The following TUSC3 variants were observed in gnomAD, a reference collection of about 807,000 sequenced individuals.
TUSC3 encodes the protein dolichyl-diphosphooligosaccharide--protein glycosyltransferase subunit TUSC3.
TUSC3 carries 45 observed loss-of-function variants against 44.8 expected under a neutral mutation model. The observed-to-expected ratio is 1.00, with a 90% confidence interval of 0.79 to 1.29. The LOEUF (loss-of-function observed/expected upper bound fraction) is 1.29. TUSC3 is among the 50% of genes most tolerant of loss of function. TUSC3 has a pLI of 0.00. For synonymous variants in TUSC3, 212 were observed against 152.9 expected (o/e 1.39, Z -2.85); for missense variants, 519 against 437.9 (o/e 1.19, Z -1.65).
the TUSC3 span, among the ~76,000 whole-genome samples, chr8:15,841,477 T>C: frequency 6.6e-6 from 1 of 152,196 alleles, no homozygotes; most frequent in Non-Finnish European, 1.5e-5. Context: ...GTTATACTAA[T>C]TATAATGCAA....
chr8:15,462,409 C>A (rs1301848788), intron 1 of TUSC3, among the ~76,000 whole-genome samples: 3 of 151,998 alleles, frequency 2.0e-5, no homozygotes, highest in African/African-American at 7.2e-5. Context: ...ATTTTCATTG[C>A]AGAGATAGGT....
intron 1 of TUSC3, among the ~76,000 whole-genome samples, chr8:15,596,079 A>T (rs555752433): frequency 9.2e-5 from 14 of 152,316 alleles, no homozygotes; most frequent in East Asian, 5.8e-4. Context: ...ATCTAAAGTG[A>T]TGTAACATTT....
At chr8:15,455,343 TGG>T (rs1800240322) in intron 1 of TUSC3, among the ~76,000 whole-genome samples, 4 of 152,270 alleles carry the variant, frequency 2.6e-5, no homozygotes, top group Admixed American at 2.6e-4. Context: ...TGAGGAGCTA[TGG>T]TTGGTTTTCT....
intron 1 of TUSC3, among the ~76,000 whole-genome samples, chr8:15,613,256 G>A (rs1335492408): frequency 4.6e-5 from 7 of 150,694 alleles, no homozygotes; most frequent in East Asian, 1.9e-4. Flanking sequence ...AGTAAATTTA[G>A]CACAGTGCTT....
At chr8:15,800,893 C>A in the TUSC3 span, among the ~76,000 whole-genome samples, 1 of 152,164 alleles carries the variant, frequency 6.6e-6, no homozygotes, top group East Asian at 1.9e-4. Context: ...TCTGAAAACT[C>A]CAAGCAATAT....
chr8:15,589,815 G>A (rs1585130954), intron 1 of TUSC3, among the ~76,000 whole-genome samples: 1 of 152,100 alleles, frequency 6.6e-6, no homozygotes, highest in Non-Finnish European at 1.5e-5. Context: ...TGAGTTAATG[G>A]TTGAGCCAAG....
At chr8:15,423,401 C>T (rs1286175730) in intron 1 of TUSC3, among the ~76,000 whole-genome samples, 1 of 152,156 alleles carries the variant, frequency 6.6e-6, no homozygotes, top group African/African-American at 2.4e-5. Context: ...ATACTGTCTC[C>T]TAGATTTTTC....
At chr8:15,756,837 C>G (rs1011972303) in intron 9 of TUSC3, among the ~76,000 whole-genome samples, 7 of 152,158 alleles carry the variant, frequency 4.6e-5, no homozygotes, top group Non-Finnish European at 7.3e-5. Flanking sequence ...ATTCCCCAAA[C>G]TCGAGCTCTA....
intron 2 of TUSC3, among the ~76,000 whole-genome samples, chr8:15,635,810 C>T (rs1806045238): frequency 1.3e-5 from 2 of 152,052 alleles, no homozygotes; most frequent in Admixed American, 1.3e-4. Flanking sequence ...AGTAATGGAG[C>T]CAGGTAGCAA....
the TUSC3 span, among the ~76,000 whole-genome samples, chr8:15,774,993 T>G: frequency 6.6e-6 from 1 of 152,000 alleles, no homozygotes; most frequent in South Asian, 2.1e-4. Context: ...TAAGGGAAAA[T>G]AGGTGTTTAA....
At chr8:15,671,283 TG>T (rs1475124810) in intron 5 of TUSC3, among the ~76,000 whole-genome samples, 1 of 152,012 alleles carries the variant, frequency 6.6e-6, no homozygotes, top group Non-Finnish European at 1.5e-5. Context: ...TTAATCTAGC[TG>T]TAACTATGAA....
At chr8:15,635,088 A>C (rs1162527281) in intron 2 of TUSC3, among the ~76,000 whole-genome samples, 2 of 151,934 alleles carry the variant, frequency 1.3e-5, no homozygotes, top group African/African-American at 4.8e-5. Context: ...GTAGGCTGCC[A>C]CCCAGGGGAT....
chr8:15,667,173 G>A (rs1807699421), intron 5 of TUSC3, among the ~76,000 whole-genome samples: 1 of 151,482 alleles, frequency 6.6e-6, no homozygotes, highest in South Asian at 2.1e-4. Flanking sequence ...TGTTGAAATT[G>A]TTATCCTCAA....
intron 1 of TUSC3, among the ~76,000 whole-genome samples, chr8:15,464,940 C>A (rs1800394688): frequency 6.6e-6 from 1 of 152,120 alleles, no homozygotes; most frequent in Non-Finnish European, 1.5e-5. Context: ...ACCTCTTCCT[C>A]CCAGGTTCAA....
At chr8:15,827,709 T>C in the TUSC3 span, among the ~76,000 whole-genome samples, 1 of 152,176 alleles carries the variant, frequency 6.6e-6, no homozygotes, top group Non-Finnish European at 1.5e-5. Context: ...ATAAATTTTA[T>C]TGGTAAACTG....
At chr8:15,642,985 T>A (rs1193021487) in intron 2 of TUSC3, among the ~76,000 whole-genome samples, 10 of 152,206 alleles carry the variant, frequency 6.6e-5, no homozygotes, top group African/African-American at 2.2e-4. Context: ...CTTGACTGTG[T>A]CCCCACACAA....
intron 2 of TUSC3, among the ~76,000 whole-genome samples, chr8:15,511,688 G>C (rs1801137120): frequency 6.6e-6 from 1 of 152,078 alleles, no homozygotes; most frequent in African/African-American, 2.4e-5. Context: ...TGGCCAATAT[G>C]GTAAAACCCC....
intron 3 of TUSC3, among the ~76,000 whole-genome samples, chr8:15,654,243 C>T (rs1039362716): frequency 6.6e-6 from 1 of 152,030 alleles, no homozygotes; most frequent in Non-Finnish European, 1.5e-5. Flanking sequence ...TACATGGTTG[C>T]TATAGACGTC....
chr8:15,752,057 C>A (rs1053106217), intron 9 of TUSC3, among the ~76,000 whole-genome samples: 2 of 152,014 alleles, frequency 1.3e-5, no homozygotes, highest in Non-Finnish European at 2.9e-5. Flanking sequence ...ATCCATGAAC[C>A]GGGGAATAAC....
Sources: allele counts gnomAD v4.1 joint callset (sites outside exome capture counted in the v4.1 genomes callset), GRCh38; gene constraint gnomAD v4.1.1; transcripts MANE v1.5; gene names NCBI Gene and HGNC (gene_info 2026-07-23, HGNC 2026-07-21).